RBFOX2: variants seen among roughly 807,000 people sequenced by gnomAD.
RBFOX2 encodes RNA binding protein fox-1 homolog 2.
Under a neutral mutation model 49.1 loss-of-function variants are expected in RBFOX2, and 10 were observed. The ratio of observed to expected loss-of-function variants is 0.20; its 90% CI spans 0.13 to 0.35. The LOEUF (loss-of-function observed/expected upper bound fraction) is 0.35, where lower values mean the gene tolerates loss of function less well. Among genes scored for constraint, RBFOX2 ranks in the 10% least tolerant of loss-of-function variants. The pLI, the probability that RBFOX2 is intolerant of heterozygous loss-of-function variation, is 1.00. For synonymous variants in RBFOX2, 183 were observed against 187.4 expected, an observed-to-expected ratio of 0.98 and a Z score of 0.19; for missense variants, 323 against 486.9, an observed-to-expected ratio of 0.66 and a Z score of 3.17.
In RBFOX2 at chr22:35,749,549, G is replaced by A. The variant is rs1407793483; in HGVS notation, c.888-2988C>T. On this transcript the variant is annotated intron_variant, in intron 9 of 11. Transcript: ENST00000405409. This position sits in a 1 kb window ranked among gnomAD's most constrained non-coding sequence, Gnocchi z 4.1. Reference sequence around the variant, plus strand: ...CACACACACATACACTTACTCGAAAGTATTTTTGCTGCTTTATTCAACAAA... The same window carrying A: ...CACACACACATACACTTACTCGAAAATATTTTTGCTGCTTTATTCAACAAA... Among the ~76,000 whole-genome samples, 3 of 151,834 alleles carry A rather than the reference G, an allele frequency of 2.0e-5. No individual in the cohort carries two copies. The highest frequency in any genetic ancestry group is 4.8e-5 in the African/African-American group (2 of 41,330).
intron 4 of RBFOX2, among the ~76,000 whole-genome samples, chr22:35,768,681 T>C (rs1050229349): frequency 2.6e-5 from 4 of 152,226 alleles, no homozygotes; most frequent in Non-Finnish European, 4.4e-5. Context: ...TTTAATGCCC[T>C]ACCTTTCTCT....
rs551036590 is a variant in RBFOX2, at chr22:35,979,736, G to GCCAT, written c.187-40840_187-40839insATGG. Among the ~76,000 whole-genome samples the GCCAT allele has an allele frequency of 3.9e-4, 60 of 152,236 alleles. 1 individual carries two copies. Among genetic ancestry groups the GCCAT allele is most frequent in the South Asian group, 3.5e-3 (17 of 4,806 alleles). On this transcript the variant is annotated intron_variant, in intron 1 of 13. Coordinates refer to the RBFOX2 transcript ENST00000438146. Reference sequence around the variant, plus strand: ...AAGAATCAATGGAGAAAAAATAATAGCCACTAACAGGAATTTAAGAGTACA... The same window carrying GCCAT: ...AAGAATCAATGGAGAAAAAATAATAGCCATCCACTAACAGGAATTTAAGAGTACA...
chr22:35,927,132 G>A lies in RBFOX2; in HGVS notation c.-34+11715C>T, dbSNP rs991956101. Reference sequence around the variant, plus strand: ...AAATGTTCATACAGACATGTTAAACGATTTGAAACAATCAGAGGCAATAAG... The same window carrying A: ...AAATGTTCATACAGACATGTTAAACAATTTGAAACAATCAGAGGCAATAAG... On this transcript the variant is annotated intron_variant, in intron 1 of 13. Transcript: ENST00000359369. Among the ~76,000 whole-genome samples the A allele has an allele frequency of 3.9e-5, 6 of 152,232 alleles. No individual in the cohort carries two copies. The East Asian group carries it at 7.7e-4, about 20-fold the overall frequency.
At chr22:35,768,680 C>T (rs1337995931) in intron 4 of RBFOX2, among the ~76,000 whole-genome samples, 1 of 152,120 alleles carries the variant, frequency 6.6e-6, no homozygotes, top group Non-Finnish European at 1.5e-5. Flanking sequence ...TTTTAATGCC[C>T]TACCTTTCTC....
upstream of RBFOX2, among the ~76,000 whole-genome samples, chr22:35,961,994 G>C (rs1163317190): frequency 6.6e-6 from 1 of 152,022 alleles, no homozygotes; most frequent in Non-Finnish European, 1.5e-5. Context: ...ATATAAGATT[G>C]GCAGAGAGAA....
At chr22:35,936,299 C>A (rs1261518211) in intron 1 of RBFOX2, among the ~76,000 whole-genome samples, 1 of 151,522 alleles carries the variant, frequency 6.6e-6, no homozygotes, top group Non-Finnish European at 1.5e-5. Flanking sequence ...ACCTTCACCC[C>A]ATTCCCCAGT....
Position 35,980,918 on chromosome 22 carries a change from TTTATG to T in RBFOX2, c.187-42026_187-42022del, listed in dbSNP as rs2057426038. Among the ~76,000 whole-genome samples the T allele has an allele frequency of 5.3e-5, 8 of 152,278 alleles. No homozygotes were observed. In the South Asian group the frequency reaches 1.7e-3, roughly 32 times the overall value. On this transcript the variant is annotated intron_variant, in intron 1 of 13. Coordinates refer to the RBFOX2 transcript ENST00000438146. The stretch of plus-strand genomic sequence containing the variant: ...CAACCTGACTTTGCACGCTTATGTA[TTTATG>T]TTATGTGTTTTACTTTATGGAGAAT...
exon 8 of RBFOX2, chr22:35,761,254 T>G (rs1331078029): frequency 3.1e-6 from 5 of 1,614,092 alleles, no homozygotes; most frequent in Non-Finnish European, 4.2e-6. Context: ...GGGGCACTGC[T>G]GCATCATTGC....
chr22:35,988,464 A>C (rs1907933948), intron 1 of RBFOX2, among the ~76,000 whole-genome samples: 1 of 152,220 alleles, frequency 6.6e-6, no homozygotes, highest in African/African-American at 2.4e-5. Context: ...GAAAAGTACA[A>C]GGTGCTATGA....
At chr22:35,802,727 G>A (rs1003098520) in intron 2 of RBFOX2, among the ~76,000 whole-genome samples, 24 of 152,150 alleles carry the variant, frequency 1.6e-4, no homozygotes, top group African/African-American at 5.6e-4. Flanking sequence ...TGAAGAGGGT[G>A]CAGTGGAAGA....
chr22:35,827,156 T>A (rs909677678), intron 1 of RBFOX2, among the ~76,000 whole-genome samples: 1 of 152,236 alleles, frequency 6.6e-6, no homozygotes, highest in Non-Finnish European at 1.5e-5. Flanking sequence ...TAGCAATGAC[T>A]CAAAGAGTCT....
chr22:36,015,725 T>C (rs1236860495), intron 1 of RBFOX2, among the ~76,000 whole-genome samples: 1 of 152,140 alleles, frequency 6.6e-6, no homozygotes, highest in Non-Finnish European at 1.5e-5. Context: ...CTTTTGCAGA[T>C]GAAGGAGAAG....
At chr22:35,867,961 A>G (rs765359227) in intron 1 of RBFOX2, among the ~76,000 whole-genome samples, 2 of 152,130 alleles carry the variant, frequency 1.3e-5, no homozygotes, top group Non-Finnish European at 2.9e-5. Flanking sequence ...TTGTAATCTC[A>G]GCACTTTGGG....
chr22:35,882,919 C>T (rs2149304576), intron 1 of RBFOX2, among the ~76,000 whole-genome samples: 1 of 152,280 alleles, frequency 6.6e-6, no homozygotes, highest in Admixed American at 6.5e-5. Context: ...CTCTGGGTTT[C>T]TGTTCTCTAA....
intron 1 of RBFOX2, among the ~76,000 whole-genome samples, chr22:35,915,501 A>G (rs879926710): frequency 4.6e-5 from 7 of 152,186 alleles, no homozygotes; most frequent in Non-Finnish European, 1.0e-4. Flanking sequence ...AGAATCAGAG[A>G]GGCAGCCGCT....
At chr22:36,021,205 T>C (rs769640642) in intron 1 of RBFOX2, among the ~76,000 whole-genome samples, 5 of 125,704 alleles carry the variant, frequency 4.0e-5, no homozygotes, top group Admixed American at 2.1e-4. Flanking sequence ...ATGAGAACAC[T>C]TGGACACAGG....
chr22:35,751,209 A>G (rs1032588001), intron 9 of RBFOX2, among the ~76,000 whole-genome samples: 7 of 152,116 alleles, frequency 4.6e-5, no homozygotes, highest in Non-Finnish European at 8.8e-5. Context: ...CTAGCTTTTA[A>G]TTTTATTATA....
At chr22:35,878,284 G>C (rs1199350925) in intron 1 of RBFOX2, among the ~76,000 whole-genome samples, 1 of 152,086 alleles carries the variant, frequency 6.6e-6, no homozygotes, top group Non-Finnish European at 1.5e-5. Context: ...TTTAAACCCA[G>C]CTACTCAGGA....
chr22:35,989,979 C>T (rs1483816633), intron 1 of RBFOX2, among the ~76,000 whole-genome samples: 4 of 152,066 alleles, frequency 2.6e-5, no homozygotes, highest in African/African-American at 7.2e-5. Flanking sequence ...GTCAGGAGTT[C>T]GAGACCAGCC....
Sources: allele counts gnomAD v4.1 joint callset (sites outside exome capture counted in the v4.1 genomes callset), GRCh38; gene constraint gnomAD v4.1.1; non-coding constraint Gnocchi (gnomAD v3.1); transcripts MANE v1.5; gene names NCBI Gene and HGNC (gene_info 2026-07-23, HGNC 2026-07-21).